The following AFAP1 variants were observed in gnomAD, a reference collection of about 807,000 sequenced individuals.
AFAP1 encodes the protein actin filament-associated protein 1.
A neutral mutation model predicts 93.9 loss-of-function variants in AFAP1; 75 were observed. That is an observed-to-expected ratio of 0.80 (90% confidence interval 0.66 to 0.97). The LOEUF is 0.97. Among genes scored for constraint, AFAP1 ranks in the 50% least tolerant of loss-of-function variants. The probability of loss-of-function intolerance (pLI) is 0.00; values close to 1 mark genes in which losing one functional copy is unlikely to be tolerated. For missense variants in AFAP1, 1,201 were observed against 1,050.8 expected (o/e 1.14, Z -1.98); for synonymous variants, 517 against 430.7 (o/e 1.20, Z -2.48).
intron 7 of AFAP1, among the ~76,000 whole-genome samples, chr4:7,817,938 G>A (rs1453051354): frequency 6.6e-6 from 1 of 152,064 alleles, no homozygotes; most frequent in Non-Finnish European, 1.5e-5. Flanking sequence ...GTTTCTATGA[G>A]CTTTCTGAAT....
intron 1 of AFAP1, among the ~76,000 whole-genome samples, chr4:7,932,923 G>A (rs1005493762): frequency 2.0e-4 from 30 of 151,172 alleles, no homozygotes; most frequent in African/African-American, 7.1e-4. Context: ...AGGAGGCTGA[G>A]GCAGGAGAAT....
At chr4:7,827,858 G>A (rs11736967) in intron 6 of AFAP1, among the ~76,000 whole-genome samples, 12,993 of 152,156 alleles carry the variant, frequency 0.085, 1,184 homozygotes, top group East Asian at 0.49. Context: ...CCGAGCGAGG[G>A]AGAAATGAAG....
intron 1 of AFAP1, among the ~76,000 whole-genome samples, chr4:7,886,348 G>C (rs1042231598): frequency 8.5e-5 from 13 of 152,170 alleles, no homozygotes; most frequent in African/African-American, 2.9e-4. Context: ...ACCTAAAAAG[G>C]GAAAGCAAAT....
At chr4:7,865,204 C>A (rs1388595546) in intron 3 of AFAP1, among the ~76,000 whole-genome samples, 1 of 152,166 alleles carries the variant, frequency 6.6e-6, no homozygotes, top group South Asian at 2.1e-4. Flanking sequence ...GGTCCTACAT[C>A]AAAACACAGT....
rs1396949516 is a variant in AFAP1, at chr4:7,763,420, C to T, written c.*345G>A. The T allele has an allele frequency of 2.9e-5, 7 of 244,080 alleles. No homozygotes were observed. The highest frequency in any genetic ancestry group is 3.1e-5 in the Non-Finnish European group (4 of 127,876). The allele number at this position is 244,080 out of a possible 1,614,324, so 15.1% of individuals were successfully genotyped here. ...TCATCTGGGGGCTCATGGAACCATCCATCCTCAGTCCAGGGCTGGGTTGGA... is the reference window on the plus strand; with the variant it reads ...TCATCTGGGGGCTCATGGAACCATCTATCCTCAGTCCAGGGCTGGGTTGGA... On this transcript the variant is annotated 3_prime_UTR_variant, in exon 18 of 18. Coordinates refer to ENST00000420658, the MANE Select transcript of AFAP1 (RefSeq NM_001134647.2).
At chr4:7,934,463 T>A (rs953793531) in intron 1 of AFAP1, among the ~76,000 whole-genome samples, 3 of 152,220 alleles carry the variant, frequency 2.0e-5, no homozygotes, top group Non-Finnish European at 4.4e-5. Flanking sequence ...GTCAACACTA[T>A]ATATGACAGT....
chr4:7,891,797 C>G (rs1718489493), intron 1 of AFAP1, among the ~76,000 whole-genome samples: 1 of 147,858 alleles, frequency 6.8e-6, no homozygotes, highest in Admixed American at 6.8e-5. Flanking sequence ...ACCTATAATC[C>G]CAGCACTTTG....
chr4:7,917,111 T>C (rs990600377), intron 1 of AFAP1, among the ~76,000 whole-genome samples: 2 of 152,232 alleles, frequency 1.3e-5, no homozygotes, highest in Admixed American at 6.5e-5. Flanking sequence ...TGTTCACCCA[T>C]AGCACTGTTG....
Position 7,843,323 on chromosome 4 carries a change from G to C in AFAP1, c.362C>G (p.Ser121Cys). ...CTCCTCTTCATCATACGACTCATAA[G>C]AGCTGCTCATCGCATCGGAATCATA... Reference protein sequence around the residue: ...SNYDSDAMSSSYESYDEEEED... With the variant: ...SNYDSDAMSSCYESYDEEEED... Residue 121 changes from serine to cysteine, a missense_variant, in exon 5 of 18, where the codon TCT becomes TGT. Coordinates refer to ENST00000420658, the MANE Select transcript of AFAP1 (RefSeq NM_001134647.2). 6.2e-7 allele frequency: 1 copy of C among 1,613,826 alleles called. No homozygotes were observed. Among genetic ancestry groups the C allele is most frequent in the Non-Finnish European group, 8.5e-7 (1 of 1,179,968 alleles).
At chr4:7,782,399 G>T (rs566238904) in intron 12 of AFAP1, among the ~76,000 whole-genome samples, 53 of 152,220 alleles carry the variant, frequency 3.5e-4, no homozygotes, top group Non-Finnish European at 6.8e-4. Context: ...CTGTACTGAA[G>T]AAAGTGCCAC....
At position 7,774,730 on chromosome 4, in the gene AFAP1, C is replaced by CCTTCATA. The variant is rs1715914399; in HGVS notation, c.2062+2_2062+8dup. 6.2e-7 allele frequency: 1 copy of CCTTCATA among 1,613,684 alleles called. No individual in the cohort carries two copies. Among genetic ancestry groups the CCTTCATA allele is most frequent in the African/African-American group, 1.3e-5 (1 of 74,996 alleles). On this transcript the variant is annotated intron_variant, in intron 15 of 17. Coordinates refer to ENST00000420658, the MANE Select transcript of AFAP1 (RefSeq NM_001134647.2). ...ATGCACCCTGGGCAGTCACCCACAC[C>CCTTCATA]CTTCATACCGGCGTTCACTTCAATA...
intron 6 of AFAP1, among the ~76,000 whole-genome samples, chr4:7,822,502 T>G (rs1346280654): frequency 6.6e-6 from 1 of 151,810 alleles, no homozygotes; most frequent in African/African-American, 2.4e-5. Context: ...CTGTACCCCA[T>G]AAAACATAAC....
At chr4:7,857,819 G>T (rs1335421904) in intron 3 of AFAP1, among the ~76,000 whole-genome samples, 1 of 152,150 alleles carries the variant, frequency 6.6e-6, no homozygotes, top group Non-Finnish European at 1.5e-5. Context: ...ACTAGTACAG[G>T]TCAGACTCCT....
chr4:7,842,846 G>T, intron 5 of AFAP1: 1 of 350,932 alleles, frequency 2.8e-6, no homozygotes, highest in Non-Finnish European at 5.2e-6. Context: ...TTAAAATCTT[G>T]TGCATTTCCA....
At chr4:7,787,730 G>T (rs1274817210) in intron 11 of AFAP1, among the ~76,000 whole-genome samples, 1 of 152,168 alleles carries the variant, frequency 6.6e-6, no homozygotes, top group Non-Finnish European at 1.5e-5. Context: ...GGCCACGCCA[G>T]CCTCCGCCCA....
chr4:7,860,283 A>G (rs1163549010), intron 3 of AFAP1, among the ~76,000 whole-genome samples: 6 of 149,300 alleles, frequency 4.0e-5, no homozygotes, highest in Non-Finnish European at 7.4e-5. Context: ...GTGTGTGTAT[A>G]TGTGTGACAG....
At chr4:7,936,737 A>ACACC (rs1721409691) in intron 1 of AFAP1, among the ~76,000 whole-genome samples, 1 of 151,980 alleles carries the variant, frequency 6.6e-6, no homozygotes, top group Admixed American at 6.6e-5. Context: ...ATGTGCCACC[A>ACACC]CACCCGGCTA....
At chr4:7,904,188 G>A (rs866451403) in intron 1 of AFAP1, among the ~76,000 whole-genome samples, 1 of 151,990 alleles carries the variant, frequency 6.6e-6, no homozygotes, top group Non-Finnish European at 1.5e-5. Flanking sequence ...TGATGACAGC[G>A]AATGACAATT....
At chr4:7,923,545 C>G (rs1720551081) in intron 1 of AFAP1, among the ~76,000 whole-genome samples, 1 of 152,206 alleles carries the variant, frequency 6.6e-6, no homozygotes, top group Non-Finnish European at 1.5e-5. Context: ...GTGGCACGAT[C>G]TTGGCTCACT....
Sources: allele counts gnomAD v4.1 joint callset (sites outside exome capture counted in the v4.1 genomes callset), GRCh38; gene constraint gnomAD v4.1.1; transcripts MANE v1.5; gene names NCBI Gene and HGNC (gene_info 2026-07-23, HGNC 2026-07-21).